VWF: variants seen among roughly 807,000 people sequenced by gnomAD.
The protein encoded by VWF is von Willebrand factor.
A neutral mutation model predicts 308.6 loss-of-function variants in VWF; 176 were observed. The observed-to-expected ratio is 0.57, with a 90% confidence interval of 0.50 to 0.65. The LOEUF (loss-of-function observed/expected upper bound fraction) is 0.65, where lower values mean the gene tolerates loss of function less well. Among genes scored for constraint, VWF ranks in the 30% least tolerant of loss-of-function variants. The pLI is 0.00. For synonymous variants in VWF, 1,385 were observed against 1,443.4 expected, an observed-to-expected ratio of 0.96 and a Z score of 0.92; for missense variants, 3,146 against 3,648.2, an observed-to-expected ratio of 0.86 and a Z score of 3.55.
rs1023013245 is a variant in VWF, at chr12:6,036,406, T to G, written c.2528A>C (p.Lys843Thr). 7 of 1,614,222 alleles carry G rather than the reference T, an allele frequency of 4.3e-6. No homozygotes were observed. Among genetic ancestry groups the G allele is most frequent in the Non-Finnish European group, 5.9e-6 (7 of 1,180,026 alleles). ...GCCTCACCAAGTGTTGCAGCCAATCTTCACTGTTTCTCCAGGGGCATACTC... is the reference window on the plus strand; with the variant it reads ...GCCTCACCAAGTGTTGCAGCCAATCGTCACTGTTTCTCCAGGGGCATACTC... ...GKEYAPGETV[K>T]IGCNTCVCQD... The change falls in exon 19 of 52, where the codon AAG (lysine) becomes ACG (threonine). Residue 843 changes from lysine to threonine, a missense_variant. By Grantham distance (78) the Lys-to-Thr change is moderately conservative. Transcript: ENST00000261405.
In VWF at chr12:6,060,719, A is replaced by G. The variant is rs1400764650; in HGVS notation, c.1533+2235T>C. ...AAACTGACACAAACCCACCCCAAAG[A>G]TAACCCTACATCCCCTCCCACAGAA... On this transcript the variant is annotated intron_variant, in intron 13 of 51. Transcript: ENST00000261405. The surrounding 1 kb of genome is among the most constrained non-coding windows in gnomAD (Gnocchi z 5.1). 6.6e-6 allele frequency among the ~76,000 whole-genome samples: 1 copy of G among 152,194 alleles called. No individual in the cohort carries two copies. The highest frequency in any genetic ancestry group is 2.4e-5 in the African/African-American group (1 of 41,466).
chr12:6,110,342 C>T, intron 5 of VWF, 32 bp downstream of exon 5: 1 of 1,610,124 alleles, frequency 6.2e-7, no homozygotes, highest in Non-Finnish European at 8.5e-7. Context: ...CATGGCCACA[C>T]TTTAGGGAAA....
At chr12:6,107,874 A>C (rs1945260674) in intron 5 of VWF, among the ~76,000 whole-genome samples, 1 of 152,012 alleles carries the variant, frequency 6.6e-6, no homozygotes, top group Non-Finnish European at 1.5e-5. Context: ...TAGCCAGGAT[A>C]GTCTCCATCT....
chr12:6,111,073 C>A, intron 3 of VWF, 105 bp from the exon 4 acceptor site: 1 of 1,050,304 alleles, frequency 9.5e-7, no homozygotes, highest in Non-Finnish European at 1.5e-6. Flanking sequence ...CAGAAAACGC[C>A]CCAAAAAGTC....
At chr12:6,102,200 G>A (rs574998309) in intron 5 of VWF, among the ~76,000 whole-genome samples, 9 of 152,350 alleles carry the variant, frequency 5.9e-5, no homozygotes, top group South Asian at 4.1e-4. Flanking sequence ...CCAGCACTTC[G>A]GGAGGCCGAG....
intron 47 of VWF, among the ~76,000 whole-genome samples, chr12:5,965,331 C>T (rs531336219): frequency 6.6e-6 from 1 of 152,134 alleles, no homozygotes; most frequent in South Asian, 2.1e-4. Context: ...ATCGACGGCT[C>T]GCAGCCCTTC....
chr12:6,074,132 C>A (rs1944813111), intron 7 of VWF, among the ~76,000 whole-genome samples: 1 of 152,106 alleles, frequency 6.6e-6, no homozygotes, highest in Non-Finnish European at 1.5e-5. Context: ...TGCCCTCCAT[C>A]CCATCCCTCC....
chr12:5,996,898 T>C (rs1943813949), intron 34 of VWF, among the ~76,000 whole-genome samples: 1 of 152,160 alleles, frequency 6.6e-6, no homozygotes, highest in Admixed American at 6.6e-5. Flanking sequence ...GATGATTTGG[T>C]AAAAATCCTC....
intron 34 of VWF, among the ~76,000 whole-genome samples, chr12:6,009,812 T>G (rs1943971107): frequency 6.6e-6 from 1 of 152,190 alleles, no homozygotes; most frequent in Non-Finnish European, 1.5e-5. Flanking sequence ...AAGAAGGAAA[T>G]CCTTTCATAT....
At position 6,044,268 on chromosome 12, in the gene VWF, C is replaced by A. The variant is rs1220558384; in HGVS notation, c.2442+23G>T. 2.5e-6 allele frequency: 4 copies of A among 1,613,526 alleles called. No homozygotes were observed. The African/African-American group carries it at 5.3e-5, about 22-fold the overall frequency. ...TACAAGAAAACTGAAGGGCAGGCAC[C>A]AGCTCTGTGCCTGGTGACTCACCAT... On this transcript the variant is annotated intron_variant, in intron 18 of 51. Coordinates refer to ENST00000261405, the MANE Select transcript of VWF (RefSeq NM_000552.5).
At chr12:6,011,048 C>T (rs1943987609) in intron 34 of VWF, among the ~76,000 whole-genome samples, 1 of 152,168 alleles carries the variant, frequency 6.6e-6, no homozygotes, top group Non-Finnish European at 1.5e-5. Flanking sequence ...TATGCCTGTT[C>T]AGCATAAAGG....
rs61750601 is a variant in VWF, at chr12:6,016,744, G to A, written c.5170+10C>T. ...CGTCACCTGCTGCTTCAGGTGCCTCGCTCACCCACCTATATTGGCTTTTGA... is the reference window on the plus strand; with the variant it reads ...CGTCACCTGCTGCTTCAGGTGCCTCACTCACCCACCTATATTGGCTTTTGA... On this transcript the variant is annotated intron_variant, in intron 29 of 51. Coordinates refer to ENST00000261405, the MANE Select transcript of VWF (RefSeq NM_000552.5). The A allele has an allele frequency of 4.3e-3, 6,921 of 1,614,122 alleles. 27 individuals are homozygous for A. The highest frequency in any genetic ancestry group is 4.5e-3 in the Non-Finnish European group (5,309 of 1,179,994).
rs374693235 is a variant in VWF at position 6,108,334 on chromosome 12, T to TATATATACACAC, written c.532+2039_532+2040insGTGTGTATATAT. Among the ~76,000 whole-genome samples, 457 of 124,184 alleles carry TATATATACACAC rather than the reference T, an allele frequency of 3.7e-3. 1 individual carries two copies. Among genetic ancestry groups the TATATATACACAC allele is most frequent in the African/African-American group, 5.4e-3 (187 of 34,764 alleles). 81.5% of individuals were successfully genotyped at this position (124,184 alleles called of 152,430 possible). On this transcript the variant is annotated intron_variant, in intron 5 of 51. Transcript: ENST00000261405. The stretch of plus-strand genomic sequence containing the variant: ...AGAAAGAAAGAAAGAAAGAAATATA[T>TATATATACACAC]ACACACACACACACACACACACACA...
chr12:6,107,345 G>A (rs539331893), intron 5 of VWF, among the ~76,000 whole-genome samples: 34 of 152,306 alleles, frequency 2.2e-4, no homozygotes, highest in African/African-American at 7.9e-4. Context: ...GTGGTTACAT[G>A]ACTCTACGCT....
intron 32 of VWF, among the ~76,000 whole-genome samples, chr12:6,013,146 G>A (rs74056778): frequency 0.02 from 2,985 of 152,214 alleles, 77 homozygotes; most frequent in African/African-American, 0.065. Flanking sequence ...CTATACCTAC[G>A]GAACGCTGGG....
intron 4 of VWF, 22 bp downstream of exon 4, chr12:6,110,844 A>C: frequency 6.2e-7 from 1 of 1,610,722 alleles, no homozygotes; most frequent in East Asian, 2.2e-5. Context: ...GGTCCTTTCT[A>C]ACTCAGACAT....
At chr12:5,955,115 A>T (rs952445790) in intron 47 of VWF, among the ~76,000 whole-genome samples, 3 of 152,208 alleles carry the variant, frequency 2.0e-5, no homozygotes, top group Non-Finnish European at 4.4e-5. Flanking sequence ...AGTAAAAAAA[A>T]ATTTCATGCA....
intron 42 of VWF, among the ~76,000 whole-genome samples, chr12:5,976,485 C>A (rs1225878152): frequency 1.3e-5 from 2 of 152,114 alleles, no homozygotes; most frequent in Non-Finnish European, 2.9e-5. Flanking sequence ...TCAGGGGTGG[C>A]CCCTCGTGAG....
intron 18 of VWF, among the ~76,000 whole-genome samples, chr12:6,042,366 G>T (rs1206715672): frequency 1.3e-5 from 2 of 152,206 alleles, no homozygotes; most frequent in Non-Finnish European, 2.9e-5. Context: ...GAGGGATGAT[G>T]TCTGCACCAT....
Sources: gnomAD v4.1 joint callset for allele counts (sites outside exome capture counted in the v4.1 genomes callset) on GRCh38, gnomAD v4.1.1 for gene constraint, Gnocchi (gnomAD v3.1) non-coding constraint, MANE v1.5 for transcripts, NCBI Gene and HGNC (gene_info 2026-07-23, HGNC 2026-07-21) for gene names.